WWOX: variants seen among roughly 807,000 people sequenced by gnomAD.
The protein encoded by WWOX is WW domain-containing oxidoreductase.
WWOX carries 69 observed loss-of-function variants against 46.2 expected under a neutral mutation model. The observed-to-expected ratio is 1.49, with a 90% CI of 1.23 to 1.82. The LOEUF is 1.82. WWOX is among the 40% of genes most tolerant of loss of function. WWOX has a pLI of 0.00. For synonymous variants in WWOX, 359 were observed against 202.6 expected, an observed-to-expected ratio of 1.77 and a Z score of -6.56; for missense variants, 919 against 542.6, an observed-to-expected ratio of 1.69 and a Z score of -6.89.
At chr16:78,454,407 C>G (rs1346801175) in intron 8 of WWOX, among the ~76,000 whole-genome samples, 1 of 151,912 alleles carries the variant, frequency 6.6e-6, no homozygotes, top group Non-Finnish European at 1.5e-5. Context: ...GTGTATTTGT[C>G]TGAAATAAAA....
At chr16:78,491,854 G>C (rs559119827) in intron 8 of WWOX, among the ~76,000 whole-genome samples, 1 of 152,272 alleles carries the variant, frequency 6.6e-6, no homozygotes, top group East Asian at 1.9e-4. Flanking sequence ...AGTGGCCCAA[G>C]ACTCCCCTTT....
At chr16:78,923,027 G>C (rs1010831470) in intron 8 of WWOX, among the ~76,000 whole-genome samples, 1 of 132,286 alleles carries the variant, frequency 7.6e-6, no homozygotes, top group Non-Finnish European at 1.6e-5. Context: ...TATTGCCCAG[G>C]CTGGAGTGCA....
intron 5 of WWOX, among the ~76,000 whole-genome samples, chr16:78,353,656 T>G (rs955291308): frequency 5.9e-5 from 9 of 152,368 alleles, no homozygotes; most frequent in African/African-American, 2.2e-4. Flanking sequence ...AGTAATATTA[T>G]GAAGATTAGA....
At chr16:78,369,991 G>A (rs942721001) in intron 5 of WWOX, among the ~76,000 whole-genome samples, 2 of 151,908 alleles carry the variant, frequency 1.3e-5, no homozygotes, top group East Asian at 1.9e-4. Context: ...AAATAGCCAG[G>A]TGTCCTGGTG....
chr16:78,700,613 C>T (rs534358752), intron 8 of WWOX, among the ~76,000 whole-genome samples: 1 of 152,196 alleles, frequency 6.6e-6, no homozygotes, highest in Non-Finnish European at 1.5e-5. Flanking sequence ...TCAGCTGTTA[C>T]CTCCTGTCAT....
intron 8 of WWOX, among the ~76,000 whole-genome samples, chr16:78,889,689 A>C (rs1030093771): frequency 6.6e-6 from 1 of 152,118 alleles, no homozygotes; most frequent in Non-Finnish European, 1.5e-5. Flanking sequence ...GCAAACTCTC[A>C]GTGTGGGCAG....
rs28445237 is a variant in WWOX at position 78,925,150 on chromosome 16, T to A, written c.1057-286458T>A. ...GTCGAGGCTGCAGTGAGCAATGATA[T>A]TGCCACTGCACTCCAGACTGCATGA... On this transcript the variant is annotated intron_variant, in intron 8 of 8. Coordinates refer to ENST00000566780, the MANE Select transcript of WWOX (RefSeq NM_016373.4). Among the ~76,000 whole-genome samples, 42 of 152,194 alleles carry A rather than the reference T, an allele frequency of 2.8e-4. No homozygotes were observed. In the South Asian group the frequency reaches 4.1e-3, roughly 15 times the overall value.
chr16:78,232,299 G>A (rs2037295665), intron 5 of WWOX, among the ~76,000 whole-genome samples: 1 of 152,166 alleles, frequency 6.6e-6, no homozygotes, highest in Admixed American at 6.5e-5. Context: ...CAGTAAGGAT[G>A]GAAGTCTAAA....
At chr16:79,181,908 T>C (rs2050919529) in intron 8 of WWOX, among the ~76,000 whole-genome samples, 1 of 152,198 alleles carries the variant, frequency 6.6e-6, no homozygotes, top group African/African-American at 2.4e-5. Flanking sequence ...GGATAGAGCA[T>C]TGTTATTAAT....
At chr16:78,616,872 A>G (rs1020734943) in intron 8 of WWOX, among the ~76,000 whole-genome samples, 5 of 151,850 alleles carry the variant, frequency 3.3e-5, no homozygotes, top group African/African-American at 4.8e-5. Flanking sequence ...TAATGTTACC[A>G]CTCTGGAGGT....
In WWOX at chr16:78,702,049, T is replaced by A. The variant is rs866721042; in HGVS notation, c.1056+269297T>A. 2.8e-4 allele frequency among the ~76,000 whole-genome samples: 24 copies of A among 85,916 alleles called. 1 individual carries two copies. The highest frequency in any genetic ancestry group is 9.3e-4 in the African/African-American group (18 of 19,392). The allele number at this position is 85,916 out of a possible 152,430, so 56.4% of individuals were successfully genotyped here. On this transcript the variant is annotated intron_variant, in intron 8 of 8. Transcript: ENST00000566780. ...TATATATATATATATATATATAAAATAATGCAGAAGTTTTATATATATATA... is the reference window on the plus strand; with the variant it reads ...TATATATATATATATATATATAAAAAAATGCAGAAGTTTTATATATATATA...
intron 5 of WWOX, among the ~76,000 whole-genome samples, chr16:78,375,690 T>C (rs1397975890): frequency 6.6e-6 from 1 of 152,146 alleles, no homozygotes; most frequent in Non-Finnish European, 1.5e-5. Context: ...TCTCTTGACC[T>C]AGTGAGTCTA....
At chr16:78,371,482 CTT>C (rs2081684637) in intron 5 of WWOX, among the ~76,000 whole-genome samples, 1 of 152,096 alleles carries the variant, frequency 6.6e-6, no homozygotes, top group Non-Finnish European at 1.5e-5. Flanking sequence ...GGTTTATACT[CTT>C]TTAATGGTCT....
chr16:79,015,729 A>G lies in WWOX; in HGVS notation c.1057-195879A>G, dbSNP rs75101513. On this transcript the variant is annotated intron_variant, in intron 8 of 8. Transcript: ENST00000566780. ...TCCAAAATGGGCTGTTTCGTCTCTGATCCTGATTTATTTTTATTTTAATTA... is the reference window on the plus strand; with the variant it reads ...TCCAAAATGGGCTGTTTCGTCTCTGGTCCTGATTTATTTTTATTTTAATTA... 4.7e-3 allele frequency among the ~76,000 whole-genome samples: 708 copies of G among 152,102 alleles called. 6 individuals carry two copies. Among genetic ancestry groups the G allele is most frequent in the African/African-American group, 0.016 (667 of 41,488 alleles).
At chr16:78,306,057 C>G (rs1049737250) in intron 5 of WWOX, among the ~76,000 whole-genome samples, 3 of 152,116 alleles carry the variant, frequency 2.0e-5, no homozygotes, top group African/African-American at 7.2e-5. Flanking sequence ...TATATAGACA[C>G]CTGCCCACAG....
intron 6 of WWOX, among the ~76,000 whole-genome samples, chr16:78,389,872 C>G (rs945029260): frequency 1.3e-5 from 2 of 152,164 alleles, no homozygotes; most frequent in East Asian, 3.9e-4. Context: ...GCCTCATCCT[C>G]CAGAGTAGCT....
At chr16:78,530,633 G>GA (rs1396328989) in intron 8 of WWOX, among the ~76,000 whole-genome samples, 2 of 152,132 alleles carry the variant, frequency 1.3e-5, no homozygotes, top group Admixed American at 1.3e-4. Flanking sequence ...TATTTGAGTG[G>GA]AAAAACAGGG....
At chr16:79,151,244 C>T (rs961159161) in intron 8 of WWOX, among the ~76,000 whole-genome samples, 11 of 152,172 alleles carry the variant, frequency 7.2e-5, no homozygotes, top group Middle Eastern at 3.2e-3. Context: ...ACATTCTTTC[C>T]TACGGTGGTT....
chr16:79,175,427 C>T (rs2050781011), intron 8 of WWOX, among the ~76,000 whole-genome samples: 1 of 152,140 alleles, frequency 6.6e-6, no homozygotes, highest in East Asian at 1.9e-4. Flanking sequence ...ACCAGGTCGG[C>T]CACAAAGCTG....
Sources: gnomAD v4.1 joint callset for allele counts (sites outside exome capture counted in the v4.1 genomes callset) on GRCh38, gnomAD v4.1.1 for gene constraint, MANE v1.5 for transcripts, NCBI Gene and HGNC (gene_info 2026-07-23, HGNC 2026-07-21) for gene names.